The following P3H2 variants were observed in gnomAD, a reference collection of about 807,000 sequenced individuals.
The protein encoded by P3H2 is prolyl 3-hydroxylase 2, also known as leprecan-like 1.
P3H2 carries 80 observed loss-of-function variants against 87.0 expected under a neutral mutation model. The observed-to-expected ratio is 0.92, with a 90% CI of 0.77 to 1.11. P3H2 has a LOEUF of 1.11. P3H2 is among the 50% of genes least tolerant of loss of function. The pLI, the probability that P3H2 is intolerant of heterozygous loss-of-function variation, is 0.00. For missense variants in P3H2, 1,001 were observed against 923.9 expected, an observed-to-expected ratio of 1.08 and a Z score of -1.08; for synonymous variants, 367 against 359.3, an observed-to-expected ratio of 1.02 and a Z score of -0.24.
At chr3:189,989,972 T>A (rs767298886) in intron 3 of P3H2, among the ~76,000 whole-genome samples, 1 of 152,196 alleles carries the variant, frequency 6.6e-6, no homozygotes, top group Non-Finnish European at 1.5e-5. Context: ...GCAAGAAAGA[T>A]TCATTCATGG....
intron 9 of P3H2, 99 bp downstream of exon 9, chr3:189,974,459 A>G: frequency 1.4e-6 from 2 of 1,479,882 alleles, no homozygotes; most frequent in Non-Finnish European, 1.9e-6. Flanking sequence ...GCAATATTTC[A>G]GGGCTTGTTG....
At chr3:190,100,902 A>C (rs1471835944) in intron 1 of P3H2, among the ~76,000 whole-genome samples, 1 of 152,122 alleles carries the variant, frequency 6.6e-6, no homozygotes, top group Non-Finnish European at 1.5e-5. Context: ...CACTTCTTTC[A>C]GTGCCACTTT....
In P3H2 at chr3:190,026,159, G is replaced by A. The variant is rs1380775277; in HGVS notation, c.481-30717C>T. On this transcript the variant is annotated intron_variant, in intron 1 of 14. Coordinates refer to ENST00000319332, the MANE Select transcript of P3H2 (RefSeq NM_018192.4). ...GTCTCAGCTTTTACATGATGTGTAT[G>A]AACTTGAATAAATTCATCCCTTTCT... is the stretch of plus-strand genomic sequence containing the variant. Among the ~76,000 whole-genome samples, 3 of 152,060 alleles carry A rather than the reference G, an allele frequency of 2.0e-5. No individual in the cohort carries two copies. The East Asian group carries it at 5.8e-4, about 29-fold the overall frequency.
rs544497052 is a variant in P3H2, at chr3:190,048,322, C to T, written c.481-52880G>A. 2.0e-5 allele frequency among the ~76,000 whole-genome samples: 3 copies of T among 152,130 alleles called. No homozygotes were observed. In the East Asian group the frequency reaches 5.8e-4, roughly 30 times the overall value. On this transcript the variant is annotated intron_variant, in intron 1 of 14. Coordinates refer to ENST00000319332, the MANE Select transcript of P3H2 (RefSeq NM_018192.4). ...ACCAGCCTGGCCAACATGGTGAAAC[C>T]CCATCTCTACTAAAAAATACAAAAG...
At chr3:189,972,175 T>C (rs1041318335) in intron 11 of P3H2, among the ~76,000 whole-genome samples, 168 bp from the exon 12 acceptor site, 5 of 152,216 alleles carry the variant, frequency 3.3e-5, no homozygotes, top group African/African-American at 1.2e-4. Context: ...GAGATTCTGG[T>C]CTGGTTCTGA....
At position 189,987,887 on chromosome 3, in the gene P3H2, AGTT is replaced by A. The variant is rs1723756467; in HGVS notation, c.956-221_956-219del. ...ATTACCTTTGGTCTGCTTTGGTACT[AGTT>A]GTTTTGTGCAAATCGTCAAGTTTCT... On this transcript the variant is annotated intron_variant, in intron 4 of 14. Coordinates refer to ENST00000319332, the MANE Select transcript of P3H2 (RefSeq NM_018192.4). The A allele has an allele frequency of 1.6e-5, 9 of 568,568 alleles. No homozygotes were observed. The South Asian group carries it at 1.9e-4, about 12-fold the overall frequency. 35.2% of individuals were successfully genotyped at this position (568,568 alleles called of 1,614,324 possible). A position where few individuals can be genotyped will look rare whatever the true frequency, so the allele number is the denominator to read the frequency against.
rs1370523691 is a variant in P3H2, at chr3:190,107,992, A to G, written c.480+12260T>C. 2.0e-5 allele frequency among the ~76,000 whole-genome samples: 3 copies of G among 151,034 alleles called. No individual in the cohort carries two copies. In the East Asian group the frequency reaches 5.8e-4, roughly 29 times the overall value. On this transcript the variant is annotated intron_variant, in intron 1 of 14. Transcript: ENST00000319332. The stretch of plus-strand genomic sequence containing the variant: ...TATTTTTACTTATTTTTTTTTTTAG[A>G]CACAGGGTTCCCATTATATTACACA...
At chr3:189,961,959 T>G (rs1722827688) in intron 14 of P3H2, among the ~76,000 whole-genome samples, 1 of 152,166 alleles carries the variant, frequency 6.6e-6, no homozygotes, top group Admixed American at 6.5e-5. Context: ...TTCAATAATT[T>G]TATCTTCACT....
chr3:190,057,303 C>G (rs755369134), intron 1 of P3H2, among the ~76,000 whole-genome samples: 1 of 152,110 alleles, frequency 6.6e-6, no homozygotes, highest in African/African-American at 2.4e-5. Context: ...TGCATTTTAA[C>G]AAAATCCCCC....
intron 1 of P3H2, among the ~76,000 whole-genome samples, chr3:190,029,261 AAATT>A (rs1725180576): frequency 6.6e-6 from 1 of 152,220 alleles, no homozygotes; most frequent in Non-Finnish European, 1.5e-5. Context: ...ATCAAAGGTG[AAATT>A]CTTATTTAGT....
chr3:190,081,129 A>G (rs1258311625), intron 1 of P3H2, among the ~76,000 whole-genome samples: 1 of 152,254 alleles, frequency 6.6e-6, no homozygotes, highest in Non-Finnish European at 1.5e-5. Flanking sequence ...AACTAAAGAA[A>G]TTATCAAATA....
At position 189,995,376 on chromosome 3, in the gene P3H2, C is replaced by T; in HGVS notation, c.547G>A (p.Glu183Lys). The T allele has an allele frequency of 3.1e-6, 5 of 1,614,070 alleles. No individual in the cohort carries two copies. The South Asian group carries it at 5.5e-5, about 18-fold the overall frequency. Residue 183 changes from glutamate to lysine, a missense_variant, in exon 2 of 15, where the codon GAA (glutamate) becomes AAA (lysine). By Grantham distance (56) the Glu-to-Lys change is moderately conservative. Transcript: ENST00000319332. ...TAATTCTCAATGTTCTGCTGCATTT[C>T]CATGTGCTCAGGGTTAGCCACGAAA... ...TFFVANPEHM[E>K]MQQNIENYRA...
chr3:189,982,794 T>C (rs1723576803), intron 8 of P3H2, among the ~76,000 whole-genome samples: 1 of 152,198 alleles, frequency 6.6e-6, no homozygotes, highest in African/African-American at 2.4e-5. Flanking sequence ...CAAGTTTCCT[T>C]GGGAAACAGA....
rs111358985 is a variant in P3H2 at position 190,047,746 on chromosome 3, T to C, written c.481-52304A>G. On this transcript the variant is annotated intron_variant, in intron 1 of 14. Transcript: ENST00000319332. ...AAATTGATCTCATAGAGGTAGTAAG[T>C]AGTCTCTGATGGCTACCAGAGGCTG... 2.1e-3 allele frequency among the ~76,000 whole-genome samples: 324 copies of C among 152,226 alleles called. 4 individuals carry two copies. The highest frequency in any genetic ancestry group is 7.4e-3 in the African/African-American group (307 of 41,528).
chr3:190,107,318 G>A (rs1205214640), intron 1 of P3H2, among the ~76,000 whole-genome samples: 2 of 152,090 alleles, frequency 1.3e-5, no homozygotes, highest in African/African-American at 2.4e-5. Context: ...GATAAAATAG[G>A]GAGATTCTTT....
At chr3:189,984,639 A>C in intron 6 of P3H2, 49 bp from the exon 7 acceptor site, 1 of 1,250,672 alleles carries the variant, frequency 8.0e-7, no homozygotes, top group Non-Finnish European at 1.2e-6. Flanking sequence ...TGTCACTAAA[A>C]CATCACTTAC....
chr3:190,043,520 A>T (rs1018662328), intron 1 of P3H2, among the ~76,000 whole-genome samples: 3 of 152,206 alleles, frequency 2.0e-5, no homozygotes, highest in Non-Finnish European at 2.9e-5. Flanking sequence ...CCACAATTTC[A>T]CTACACAAGA....
chr3:189,984,450 T>A (rs961039096), intron 7 of P3H2, 100 bp downstream of exon 7: 25 of 903,348 alleles, frequency 2.8e-5, no homozygotes, highest in Middle Eastern at 2.2e-4. Context: ...TTTTATTATA[T>A]CTCCTTGCCT....
At chr3:190,072,513 T>G (rs1468364032) in intron 1 of P3H2, among the ~76,000 whole-genome samples, 2 of 152,188 alleles carry the variant, frequency 1.3e-5, no homozygotes, top group African/African-American at 4.8e-5. Context: ...TGTTTGCTAT[T>G]TAATCCAGCA....
Sources: gnomAD v4.1 joint callset for allele counts (sites outside exome capture counted in the v4.1 genomes callset) on GRCh38, gnomAD v4.1.1 for gene constraint, MANE v1.5 for transcripts, NCBI Gene and HGNC (gene_info 2026-07-23, HGNC 2026-07-21) for gene names.